Variants in MYO5B observed in about 807,000 individuals in gnomAD.
The protein encoded by MYO5B is myosin VB.
MYO5B carries 143 observed loss-of-function variants against 229.3 expected under a neutral mutation model. The observed-to-expected ratio is 0.62, with a 90% CI of 0.54 to 0.72. MYO5B has a LOEUF of 0.72. Ranked by LOEUF, MYO5B falls within the 30% of genes least tolerant of loss-of-function variation. The pLI is 0.00. For synonymous variants in MYO5B, 918 were observed against 885.2 expected (o/e 1.04, Z -0.66); for missense variants, 2,321 against 2,331.0 (o/e 1.00, Z 0.09).
intron 4 of MYO5B, among the ~76,000 whole-genome samples, chr18:50,014,278 GAAAA>G (rs374397757): frequency 1.8e-5 from 1 of 55,552 alleles, no homozygotes; most frequent in Non-Finnish European, 4.6e-5. Flanking sequence ...GATGAGAAAG[GAAAA>G]AAAAAAAAAA....
chr18:49,858,925 C>A (rs923350512), intron 29 of MYO5B, among the ~76,000 whole-genome samples: 3 of 152,232 alleles, frequency 2.0e-5, no homozygotes, highest in Non-Finnish European at 2.9e-5. Context: ...AGCGCCACCT[C>A]CTGGTGGGAA....
In MYO5B at chr18:49,824,079, G is replaced by C. The variant is rs1341131922; in HGVS notation, c.*2392C>G. 1.3e-5 allele frequency: 2 copies of C among 152,526 alleles called. No individual in the cohort carries two copies. Among genetic ancestry groups the C allele is most frequent in the African/African-American group, 2.4e-5 (1 of 41,426 alleles). The allele number at this position is 152,526 out of a possible 1,614,324, so 9.4% of individuals were successfully genotyped here. On this transcript the variant is annotated 3_prime_UTR_variant, in exon 40 of 40. Coordinates refer to ENST00000285039, the MANE Select transcript of MYO5B (RefSeq NM_001080467.3). ...AAAAATTAAAGAGACATCTAATGCA[G>C]AGTTCAAACCTGAATTGTTAAAGAG...
chr18:49,863,819 A>G (rs2024361066), intron 28 of MYO5B, among the ~76,000 whole-genome samples: 1 of 152,148 alleles, frequency 6.6e-6, no homozygotes, highest in Non-Finnish European at 1.5e-5. Flanking sequence ...ACCCTGGGGG[A>G]CTGAGGAGGA....
intron 2 of MYO5B, 43 bp downstream of exon 2, chr18:50,055,225 G>GGGGCCCCCCCCC: frequency 1.4e-6 from 1 of 700,376 alleles, no homozygotes; most frequent in Non-Finnish European, 2.7e-6. Context: ...TGAGCTCCCT[G>GGGGCCCCCCCCC]CCCCACCTCA....
At chr18:49,868,193 G>A (rs1451625336) in intron 27 of MYO5B, among the ~76,000 whole-genome samples, 2 of 152,030 alleles carry the variant, frequency 1.3e-5, no homozygotes, top group Non-Finnish European at 2.9e-5. Context: ...TTAAGTGGCA[G>A]GAATATGGAT....
chr18:50,082,998 G>C (rs573175441), intron 1 of MYO5B, among the ~76,000 whole-genome samples: 2 of 152,318 alleles, frequency 1.3e-5, no homozygotes, highest in African/African-American at 4.8e-5. Context: ...CCCACTGCCA[G>C]TGCCAAGTCT....
intron 2 of MYO5B, among the ~76,000 whole-genome samples, chr18:50,050,643 T>C (rs950608583): frequency 2.0e-5 from 3 of 152,226 alleles, no homozygotes; most frequent in Admixed American, 6.5e-5. Context: ...AACGCCGCTC[T>C]GGTGACTAAC....
chr18:49,878,934 AC>A lies in MYO5B; in HGVS notation c.3276+10del. 2 of 1,613,408 alleles carry A rather than the reference AC, an allele frequency of 1.2e-6. No individual in the cohort carries two copies. Among genetic ancestry groups the A allele is most frequent in the South Asian group, 2.2e-5 (2 of 91,052 alleles). On this transcript the variant is annotated intron_variant, in intron 24 of 39. Transcript: ENST00000285039. ...ACCTGTGCCATGGCACAGCAGAAGC[AC>A]CCCCCTTGCCTTTATGATGGTCATT...
intron 27 of MYO5B, among the ~76,000 whole-genome samples, chr18:49,868,320 G>GA (rs537744281): frequency 8.6e-5 from 13 of 150,412 alleles, no homozygotes; most frequent in African/African-American, 2.4e-4. Flanking sequence ...ACATTAAGGA[G>GA]AAAAAAAAAC....
intron 1 of MYO5B, among the ~76,000 whole-genome samples, chr18:50,092,870 A>G (rs1478293077): frequency 1.3e-5 from 2 of 152,224 alleles, no homozygotes; most frequent in East Asian, 1.9e-4. Context: ...TCAAAAATTT[A>G]AAACCTTAAG....
At chr18:50,086,816 T>C (rs2031340561) in intron 1 of MYO5B, among the ~76,000 whole-genome samples, 4 of 152,076 alleles carry the variant, frequency 2.6e-5, no homozygotes, top group Non-Finnish European at 5.9e-5. Flanking sequence ...GTAGAGGAGA[T>C]GAGCAGGCCA....
At chr18:50,141,971 G>T (rs2032424823) in intron 1 of MYO5B, among the ~76,000 whole-genome samples, 1 of 152,174 alleles carries the variant, frequency 6.6e-6, no homozygotes, top group Non-Finnish European at 1.5e-5. Context: ...TCAAAATGGG[G>T]ATAGTTTCTC....
intron 5 of MYO5B, among the ~76,000 whole-genome samples, chr18:49,993,267 T>G (rs1375984914): frequency 1.3e-5 from 2 of 151,886 alleles, no homozygotes; most frequent in South Asian, 2.1e-4. Flanking sequence ...CTAGAAAATT[T>G]GAGGCACAAA....
intron 1 of MYO5B, among the ~76,000 whole-genome samples, chr18:50,091,092 C>T (rs2031438352): frequency 6.6e-6 from 1 of 152,192 alleles, no homozygotes; most frequent in Admixed American, 6.5e-5. Flanking sequence ...TAGTGGAGGC[C>T]CCACCTGAAG....
At chr18:50,034,217 A>G (rs778899498) in intron 4 of MYO5B, among the ~76,000 whole-genome samples, 5 of 152,240 alleles carry the variant, frequency 3.3e-5, no homozygotes, top group Non-Finnish European at 7.3e-5. Context: ...TTCAATGACT[A>G]CTGATGAGTC....
intron 1 of MYO5B, among the ~76,000 whole-genome samples, chr18:50,077,445 C>T (rs1345907720): frequency 6.6e-6 from 1 of 150,986 alleles, no homozygotes; most frequent in African/African-American, 2.4e-5. Context: ...AAACCTCATG[C>T]CTACCATGAG....
At chr18:49,995,244 CCTCA>C (rs2025974636) in intron 5 of MYO5B, among the ~76,000 whole-genome samples, 1 of 142,860 alleles carries the variant, frequency 7.0e-6, no homozygotes, top group African/African-American at 2.6e-5. Flanking sequence ...AGATATTAAT[CCTCA>C]CTTATATCCT....
At chr18:49,953,706 C>T (rs972281548) in intron 13 of MYO5B, among the ~76,000 whole-genome samples, 2 of 152,120 alleles carry the variant, frequency 1.3e-5, no homozygotes, top group Non-Finnish European at 2.9e-5. Context: ...TAGTGCATAG[C>T]AAACAGAAAT....
chr18:50,061,606 G>T (rs2030687966), intron 1 of MYO5B, among the ~76,000 whole-genome samples: 1 of 152,096 alleles, frequency 6.6e-6, no homozygotes, highest in Non-Finnish European at 1.5e-5. Context: ...TGGCATACAA[G>T]AATTATCTGC....
Sources: gnomAD v4.1 joint callset for allele counts (sites outside exome capture counted in the v4.1 genomes callset) on GRCh38, gnomAD v4.1.1 for gene constraint, MANE v1.5 for transcripts, NCBI Gene and HGNC (gene_info 2026-07-23, HGNC 2026-07-21) for gene names.